Variants in FBXL20 observed in about 807,000 individuals in gnomAD.
The protein encoded by FBXL20 is F-box and leucine rich repeat protein 20.
In FBXL20, 11 loss-of-function variants were observed where a neutral mutation model predicts 64.0. The ratio of observed to expected loss-of-function variants is 0.17; its 90% CI spans 0.11 to 0.28. FBXL20 has a LOEUF of 0.28. FBXL20 is among the 10% of genes least tolerant of loss of function. The pLI is 1.00. For missense variants in FBXL20, 303 were observed against 526.2 expected, an observed-to-expected ratio of 0.58 and a Z score of 4.15; for synonymous variants, 184 against 189.0, an observed-to-expected ratio of 0.97 and a Z score of 0.22.
chr17:39,346,060 G>A (rs962015404), intron 1 of FBXL20, among the ~76,000 whole-genome samples: 5 of 152,108 alleles, frequency 3.3e-5, no homozygotes, highest in African/African-American at 1.2e-4. Flanking sequence ...GGTAGCTCAT[G>A]CCTGTAAGCC....
chr17:39,284,375 T>C (rs2046971719), intron 7 of FBXL20, among the ~76,000 whole-genome samples: 1 of 152,202 alleles, frequency 6.6e-6, no homozygotes, highest in Non-Finnish European at 1.5e-5. Flanking sequence ...ATACTCTACT[T>C]AACTAAATTT....
chr17:39,343,552 G>A (rs1368804242), intron 1 of FBXL20, among the ~76,000 whole-genome samples: 2 of 152,098 alleles, frequency 1.3e-5, no homozygotes, highest in Non-Finnish European at 2.9e-5. Flanking sequence ...TTTATAGATA[G>A]GAAGCTTGGT....
At chr17:39,330,751 T>C (rs1377616428) in intron 2 of FBXL20, among the ~76,000 whole-genome samples, 1 of 152,198 alleles carries the variant, frequency 6.6e-6, no homozygotes, top group Non-Finnish European at 1.5e-5. Flanking sequence ...GTTTTTATTT[T>C]TCCTCCAGGA....
intron 1 of FBXL20, among the ~76,000 whole-genome samples, chr17:39,387,471 G>A (rs960121125): frequency 4.6e-5 from 7 of 151,834 alleles, no homozygotes; most frequent in Non-Finnish European, 4.4e-5. Flanking sequence ...TAGAGACGGG[G>A]TTTCACCATG....
At chr17:39,304,226 T>TA (rs879698201) in intron 2 of FBXL20, among the ~76,000 whole-genome samples, 138 of 143,340 alleles carry the variant, frequency 9.6e-4, no homozygotes, top group East Asian at 2.6e-3. Flanking sequence ...TTTTTTAAAG[T>TA]AAAAAAAAAA....
At chr17:39,402,377 T>A, upstream of FBXL20, 2 of 449,322 alleles carry the variant, frequency 4.5e-6, no homozygotes, top group Non-Finnish European at 7.3e-6. Context: ...CGGACGCTTG[T>A]CTCCCTGTGC....
chr17:39,290,750 A>G (rs929116119), intron 6 of FBXL20, among the ~76,000 whole-genome samples: 1 of 151,830 alleles, frequency 6.6e-6, no homozygotes, highest in Non-Finnish European at 1.5e-5. Context: ...TTTTGTAGAG[A>G]TGGGGTCCCA....
intron 1 of FBXL20, among the ~76,000 whole-genome samples, chr17:39,348,940 C>G (rs2047660775): frequency 6.6e-6 from 1 of 152,056 alleles, no homozygotes; most frequent in Non-Finnish European, 1.5e-5. Flanking sequence ...ACAGATCCTC[C>G]TGCCTCAGCC....
intron 2 of FBXL20, among the ~76,000 whole-genome samples, chr17:39,324,255 A>C (rs1378719858): frequency 6.7e-6 from 1 of 149,670 alleles, no homozygotes; most frequent in Non-Finnish European, 1.5e-5. Context: ...TGAGAGACCC[A>C]GGAATCTATC....
At chr17:39,371,671 T>A (rs2047919865) in intron 1 of FBXL20, among the ~76,000 whole-genome samples, 1 of 151,948 alleles carries the variant, frequency 6.6e-6, no homozygotes, top group Non-Finnish European at 1.5e-5. Context: ...TTTCTTTTTT[T>A]TTTTTTTGAG....
rs9890715 is a variant in FBXL20 at position 39,392,784 on chromosome 17, G to A, written c.42+8577C>T. ...TCCCAGCACTTTGGGAGGCCAAGGC[G>A]GGTGGATCACTTGAGGCCAGAAGTT... On this transcript the variant is annotated intron_variant, in intron 1 of 14. Transcript: ENST00000264658. 2.1e-3 allele frequency among the ~76,000 whole-genome samples: 312 copies of A among 152,010 alleles called. 2 individuals carry two copies. Among genetic ancestry groups the A allele is most frequent in the African/African-American group, 7.2e-3 (300 of 41,464 alleles).
intron 1 of FBXL20, among the ~76,000 whole-genome samples, chr17:39,365,266 G>A (rs2047848553): frequency 6.6e-6 from 1 of 152,010 alleles, no homozygotes; most frequent in Non-Finnish European, 1.5e-5. Context: ...TTTTCCAGTT[G>A]GCCAGTTTTC....
At chr17:39,303,521 G>T in intron 3 of FBXL20, 64 bp downstream of exon 3, 1 of 1,345,612 alleles carries the variant, frequency 7.4e-7, no homozygotes, top group South Asian at 1.4e-5. Flanking sequence ...GATGGCCTAT[G>T]AAAGAGGCTG....
chr17:39,301,768 A>T (rs2047138020), intron 3 of FBXL20, among the ~76,000 whole-genome samples: 1 of 152,060 alleles, frequency 6.6e-6, no homozygotes, highest in Non-Finnish European at 1.5e-5. Flanking sequence ...ATGGTGGCAC[A>T]CAACTGTAGT....
intron 2 of FBXL20, among the ~76,000 whole-genome samples, chr17:39,339,506 T>C (rs1244412340): frequency 2.6e-5 from 4 of 152,164 alleles, no homozygotes; most frequent in Non-Finnish European, 4.4e-5. Context: ...GCTTCCCTGT[T>C]GAAGCTGTGG....
At chr17:39,343,899 T>C (rs1025012186) in intron 1 of FBXL20, among the ~76,000 whole-genome samples, 1 of 152,052 alleles carries the variant, frequency 6.6e-6, no homozygotes, top group Non-Finnish European at 1.5e-5. Context: ...AGTCTCACTC[T>C]GTCGCCCAGG....
At chr17:39,377,636 G>A (rs866881062) in intron 1 of FBXL20, among the ~76,000 whole-genome samples, 12 of 152,108 alleles carry the variant, frequency 7.9e-5, no homozygotes, top group Middle Eastern at 3.4e-3. Context: ...GAGTAGCTGG[G>A]ACTACAGGCG....
At chr17:39,270,580 G>T (rs1448171742) in intron 11 of FBXL20, among the ~76,000 whole-genome samples, 4 of 152,074 alleles carry the variant, frequency 2.6e-5, no homozygotes, top group Non-Finnish European at 5.9e-5. Flanking sequence ...AAAGTATCAT[G>T]AAGGGGTTTT....
chr17:39,382,669 A>C (rs1420640337), intron 1 of FBXL20, among the ~76,000 whole-genome samples: 2 of 151,662 alleles, frequency 1.3e-5, no homozygotes, highest in Non-Finnish European at 2.9e-5. Flanking sequence ...CCACTGCTAC[A>C]ATTTTTTTTT....
Sources: gnomAD v4.1 joint callset for allele counts (sites outside exome capture counted in the v4.1 genomes callset) on GRCh38, gnomAD v4.1.1 for gene constraint, MANE v1.5 for transcripts, NCBI Gene and HGNC (gene_info 2026-07-23, HGNC 2026-07-21) for gene names.